Variants in IGFBP5 observed in about 807,000 individuals in gnomAD.
The protein encoded by IGFBP5 is insulin-like growth factor-binding protein 5.
Under a neutral mutation model 28.0 loss-of-function variants are expected in IGFBP5, and 12 were observed. That is an observed-to-expected ratio of 0.43 (90% CI 0.27 to 0.69). The LOEUF is 0.69. Among genes scored for constraint, IGFBP5 ranks in the 30% least tolerant of loss-of-function variants. IGFBP5 has a pLI of 0.20. For synonymous variants in IGFBP5, 152 were observed against 150.2 expected, an observed-to-expected ratio of 1.01 and a Z score of -0.09; for missense variants, 344 against 381.6, an observed-to-expected ratio of 0.90 and a Z score of 0.82.
At chr2:216,687,188 G>A (rs1190287781) in intron 1 of IGFBP5, among the ~76,000 whole-genome samples, 1 of 152,188 alleles carries the variant, frequency 6.6e-6, no homozygotes, top group Admixed American at 6.5e-5. Flanking sequence ...GTCTCTGGGG[G>A]TCTGTTGGCC....
intron 1 of IGFBP5, among the ~76,000 whole-genome samples, chr2:216,682,698 A>T (rs1688989758): frequency 1.3e-5 from 2 of 150,602 alleles, no homozygotes; most frequent in South Asian, 2.1e-4. Flanking sequence ...ACTTCTAGGG[A>T]CTGGAAGCGT....
At chr2:216,686,983 T>C (rs898732782) in intron 1 of IGFBP5, among the ~76,000 whole-genome samples, 4 of 152,094 alleles carry the variant, frequency 2.6e-5, no homozygotes, top group African/African-American at 9.7e-5. Flanking sequence ...TTAATCAGGG[T>C]GATGCATGCT....
intron 1 of IGFBP5, among the ~76,000 whole-genome samples, chr2:216,691,504 C>T (rs957593591): frequency 6.6e-6 from 1 of 152,200 alleles, no homozygotes; most frequent in East Asian, 1.9e-4. Context: ...CTTTCATCTC[C>T]CTCCAGCCTC....
chr2:216,678,054 C>G (rs1488629147), intron 3 of IGFBP5, 58 bp downstream of exon 3: 1 of 1,364,322 alleles, frequency 7.3e-7, no homozygotes, highest in African/African-American at 1.5e-5. Flanking sequence ...GGTGGAGTTT[C>G]CTGGCAGGTG....
At position 216,673,959 on chromosome 2, in the gene IGFBP5, C is replaced by A. The variant is rs1177712945; in HGVS notation, c.*2792G>T. 1 of 152,662 alleles carries A rather than the reference C, an allele frequency of 6.6e-6. No homozygotes were observed. The highest frequency in any genetic ancestry group is 2.4e-5 in the African/African-American group (1 of 41,454). 9.5% of individuals were successfully genotyped at this position (152,662 alleles called of 1,614,324 possible). On this transcript the variant is annotated 3_prime_UTR_variant, in exon 4 of 4. Coordinates refer to ENST00000233813, the MANE Select transcript of IGFBP5 (RefSeq NM_000599.4). The surrounding 1 kb of genome is among the most constrained non-coding windows in gnomAD (Gnocchi z 4.3). Reference sequence around the variant, plus strand: ...GGTTCGCAGGCACGAACTTTGGAAACCGGAAGAGTCTGGCGCACTTACACC... The same window carrying A: ...GGTTCGCAGGCACGAACTTTGGAAAACGGAAGAGTCTGGCGCACTTACACC...
chr2:216,687,405 A>G (rs879641896), intron 1 of IGFBP5, among the ~76,000 whole-genome samples: 1 of 152,154 alleles, frequency 6.6e-6, no homozygotes, highest in African/African-American at 2.4e-5. Context: ...CACCTCACAG[A>G]GTAAGGGGCT....
chr2:216,681,362 C>T (rs11575178), intron 1 of IGFBP5, among the ~76,000 whole-genome samples: 62 of 152,236 alleles, frequency 4.1e-4, no homozygotes, highest in Non-Finnish European at 7.9e-4. Flanking sequence ...TGGACCCCTT[C>T]CTCAATCAAG....
intron 1 of IGFBP5, among the ~76,000 whole-genome samples, chr2:216,686,909 T>G (rs1689040202): frequency 6.6e-6 from 1 of 151,968 alleles, no homozygotes; most frequent in African/African-American, 2.4e-5. Context: ...TCTTTCCAAT[T>G]CAGTTTTCTC....
At chr2:216,685,819 A>G (rs908664347) in intron 1 of IGFBP5, among the ~76,000 whole-genome samples, 1 of 152,080 alleles carries the variant, frequency 6.6e-6, no homozygotes. Flanking sequence ...TTTCCTACCC[A>G]TCCCATCTCT....
chr2:216,685,848 G>A (rs544104600), intron 1 of IGFBP5, among the ~76,000 whole-genome samples: 6 of 152,262 alleles, frequency 3.9e-5, no homozygotes, highest in African/African-American at 9.6e-5. Flanking sequence ...GCTGCCTGGC[G>A]CCAGTCTCTC....
intron 1 of IGFBP5, among the ~76,000 whole-genome samples, chr2:216,685,478 T>G (rs1689023641): frequency 6.6e-6 from 1 of 152,178 alleles, no homozygotes; most frequent in African/African-American, 2.4e-5. Flanking sequence ...CGGCACTGAC[T>G]TGTGCCTGGG....
In IGFBP5 at chr2:216,679,104, C is replaced by T. The variant is rs201211921; in HGVS notation, c.338-25G>A. On this transcript the variant is annotated intron_variant, in intron 1 of 3. Coordinates refer to ENST00000233813, the MANE Select transcript of IGFBP5 (RefSeq NM_000599.4). The surrounding 1 kb of genome is among the most constrained non-coding windows in gnomAD (Gnocchi z 4.6). ...TCTGCAGGAGAAGGAGCCGGAGGGT[C>T]AGCCCCCGTGGGCCAAGGTGCACAC... 23 of 1,606,698 alleles carry T rather than the reference C, an allele frequency of 1.4e-5. No individual in the cohort carries two copies. The highest frequency in any genetic ancestry group is 1.8e-5 in the Non-Finnish European group (21 of 1,173,496).
In IGFBP5 at chr2:216,678,302, C is replaced by T. The variant is rs892034758; in HGVS notation, c.568-71G>A. On this transcript the variant is annotated intron_variant, in intron 2 of 3. Transcript: ENST00000233813. ...CCACCCAGCTGCGCTGACGAATGGC[C>T]CAGGGGGTGGGGGCTGAAGGGTCTC... 1.4e-5 allele frequency: 20 copies of T among 1,416,492 alleles called. No homozygotes were observed. In the African/African-American group the frequency reaches 2.6e-4, roughly 18 times the overall value. 87.7% of individuals were successfully genotyped at this position (1,416,492 alleles called of 1,614,324 possible).
At chr2:216,693,290 C>T (rs745669249) in intron 1 of IGFBP5, among the ~76,000 whole-genome samples, 3 of 151,982 alleles carry the variant, frequency 2.0e-5, no homozygotes, top group Admixed American at 2.0e-4. Flanking sequence ...AATTTGGGGG[C>T]GGCGCAACCC....
At chr2:216,693,210 G>C (rs571745043) in intron 1 of IGFBP5, among the ~76,000 whole-genome samples, 95 of 151,880 alleles carry the variant, frequency 6.3e-4, no homozygotes, top group African/African-American at 2.1e-3. Context: ...CTCAGTCTAA[G>C]GGGGTAGAAC....
Position 216,694,993 on chromosome 2 carries a change from G to A in IGFBP5, c.-218C>T, listed in dbSNP as rs949335087. 1.5e-5 allele frequency: 6 copies of A among 389,006 alleles called. No homozygotes were observed. Among genetic ancestry groups the A allele is most frequent in the Non-Finnish European group, 2.7e-5 (6 of 220,280 alleles). 24.1% of individuals were successfully genotyped at this position (389,006 alleles called of 1,614,324 possible). ...GCAGGTCCCAGTTGCAAGAATTAAA[G>A]CCTTGCAACAGGTTGGGGGAAGCAG... On this transcript the variant is annotated 5_prime_UTR_variant, in exon 1 of 4. Coordinates refer to ENST00000233813, the MANE Select transcript of IGFBP5 (RefSeq NM_000599.4). The surrounding 1 kb of genome is among the most constrained non-coding windows in gnomAD (Gnocchi z 5.2).
At chr2:216,677,986 A>T (rs1307802127) in intron 3 of IGFBP5, 126 bp downstream of exon 3, 5 of 838,852 alleles carry the variant, frequency 6.0e-6, no homozygotes, top group Non-Finnish European at 8.5e-6. Context: ...ATGAATGGGT[A>T]TCTGAGGCCC....
At chr2:216,678,534 T>A (rs1225401254) in intron 2 of IGFBP5, among the ~76,000 whole-genome samples, 1 of 152,198 alleles carries the variant, frequency 6.6e-6, no homozygotes, top group Admixed American at 6.5e-5. Context: ...CATTTCTAGA[T>A]GCTCTAGGAG....
In IGFBP5 at chr2:216,694,553, C is replaced by T. The variant is rs1689144055; in HGVS notation, c.223G>A (p.Ala75Thr). ...CGGGGGAGGCAGCGCAGCCCCTGGG[C>T]GCAGCGCTCGGTGTAGACGCCGCAC... ...QSCGVYTERC[A>T]QGLRCLPRQD... The change falls in exon 1 of 4, where the codon GCC becomes ACC. Residue 75 changes from alanine (A) to threonine (T), a missense_variant. By Grantham distance (58) the Ala-to-Thr change is moderately conservative. Around this residue, in one of 3 missense-constraint regions of IGFBP5, gnomAD observed 304 missense variants for 329.2 expected, o/e 0.92. Transcript: ENST00000233813. The surrounding 1 kb of genome is among the most constrained non-coding windows in gnomAD (Gnocchi z 5.2). 3 of 1,566,882 alleles carry T rather than the reference C, an allele frequency of 1.9e-6. No homozygotes were observed. Among genetic ancestry groups the T allele is most frequent in the Admixed American group, 3.8e-5 (2 of 52,748 alleles).
Sources: gnomAD v4.1 joint callset for allele counts (sites outside exome capture counted in the v4.1 genomes callset) on GRCh38, gnomAD v4.1.1 for gene constraint, gnomAD v4.1.1 regional missense constraint, Gnocchi (gnomAD v3.1) non-coding constraint, MANE v1.5 for transcripts, NCBI Gene and HGNC (gene_info 2026-07-23, HGNC 2026-07-21) for gene names.